The following RFX7 variants were observed in gnomAD, a reference collection of about 807,000 sequenced individuals.
RFX7 encodes the protein regulatory factor X7, also known as DNA-binding protein RFX7.
Under a neutral mutation model 111.8 loss-of-function variants are expected in RFX7, and 26 were observed. That is an observed-to-expected ratio of 0.23 (90% confidence interval 0.17 to 0.32). RFX7 has a LOEUF of 0.32. Among genes scored for constraint, RFX7 ranks in the 10% least tolerant of loss-of-function variants. The pLI, the probability that RFX7 is intolerant of heterozygous loss-of-function variation, is 1.00. For missense variants in RFX7, 1,573 were observed against 1,772.9 expected (o/e 0.89, Z 2.02); for synonymous variants, 624 against 624.4 (o/e 1.00, Z 0.01).
chr15:56,183,220 C>G (rs368847051), intron 2 of RFX7, among the ~76,000 whole-genome samples: 1 of 151,926 alleles, frequency 6.6e-6, no homozygotes, highest in African/African-American at 2.4e-5. Context: ...ATTATAGAAG[C>G]TTTATATATT....
At chr15:56,233,608 G>A (rs1257835587) in intron 2 of RFX7, among the ~76,000 whole-genome samples, 2 of 152,050 alleles carry the variant, frequency 1.3e-5, no homozygotes, top group African/African-American at 4.8e-5. Flanking sequence ...ATGGAAAGAA[G>A]GAAAAGTGAT....
At chr15:56,155,160 G>A (rs760765873) in intron 3 of RFX7, among the ~76,000 whole-genome samples, 6 of 152,122 alleles carry the variant, frequency 3.9e-5, no homozygotes, top group South Asian at 2.1e-4. Context: ...AAATAAGAAC[G>A]CTTTTACAGT....
At chr15:56,232,403 C>T (rs567197882) in intron 2 of RFX7, among the ~76,000 whole-genome samples, 2 of 152,256 alleles carry the variant, frequency 1.3e-5, no homozygotes, top group East Asian at 1.9e-4. Context: ...AGCAGGGAGG[C>T]CCTGGGACTG....
At chr15:56,147,219 C>G (rs1188018052) in intron 3 of RFX7, among the ~76,000 whole-genome samples, 1 of 152,014 alleles carries the variant, frequency 6.6e-6, no homozygotes, top group Non-Finnish European at 1.5e-5. Flanking sequence ...GAGAAAAGAC[C>G]AACTTCATAA....
At chr15:56,138,578 G>C (rs1376028923) in intron 5 of RFX7, among the ~76,000 whole-genome samples, 89 of 151,722 alleles carry the variant, frequency 5.9e-4, no homozygotes, top group African/African-American at 2.1e-3. Flanking sequence ...CAATTTGCCA[G>C]TCTGTGTCTT....
Position 56,094,272 on chromosome 15 carries a change from T to C in RFX7, c.3456A>G (p.Lys1152=), listed in dbSNP as rs1448131190. The change falls in exon 10 of 10, where the codon AAA becomes AAG. Residue 1152 remains lysine, a synonymous_variant. Coordinates refer to ENST00000559447, the MANE Select transcript of RFX7 (RefSeq NM_022841.7). The part of the protein sequence containing the change: ...GFAVPAPLDN[K]GTNSSASSNF... ...TGCTGCTGGCAGATGAATTAGTTCC[T>C]TTATTATCAAGAGGGGCAGGGACTG... 3.1e-6 allele frequency: 5 copies of C among 1,614,002 alleles called. No homozygotes were observed. Among genetic ancestry groups the C allele is most frequent in the Non-Finnish European group, 4.2e-6 (5 of 1,179,888 alleles).
At chr15:56,146,590 C>G (rs2042476704) in intron 3 of RFX7, among the ~76,000 whole-genome samples, 1 of 151,672 alleles carries the variant, frequency 6.6e-6, no homozygotes, top group Non-Finnish European at 1.5e-5. Flanking sequence ...TTTAAATATA[C>G]TGGAAAAAAG....
chr15:56,223,591 T>C (rs1035421069), intron 2 of RFX7, among the ~76,000 whole-genome samples: 1 of 152,198 alleles, frequency 6.6e-6, no homozygotes, highest in Non-Finnish European at 1.5e-5. Context: ...GAAGTTAAAA[T>C]GTATCAATTA....
At chr15:56,106,460 AAAC>A (rs2140536533) in intron 5 of RFX7, among the ~76,000 whole-genome samples, 1 of 152,356 alleles carries the variant, frequency 6.6e-6, no homozygotes, top group South Asian at 2.1e-4. Context: ...ATCAATGTAA[AAAC>A]AACAAGAACA....
At chr15:56,210,964 C>A (rs541569751) in intron 2 of RFX7, among the ~76,000 whole-genome samples, 1 of 152,106 alleles carries the variant, frequency 6.6e-6, no homozygotes, top group South Asian at 2.1e-4. Context: ...CACTACAGAT[C>A]CCCTGGCATT....
chr15:56,210,262 G>A lies in RFX7; in HGVS notation c.162-30959C>T, dbSNP rs1437544996. 3.9e-5 allele frequency among the ~76,000 whole-genome samples: 6 copies of A among 152,160 alleles called. No homozygotes were observed. The East Asian group carries it at 1.2e-3, about 29-fold the overall frequency. On this transcript the variant is annotated intron_variant, in intron 2 of 9. Coordinates refer to ENST00000559447, the MANE Select transcript of RFX7 (RefSeq NM_022841.7). ...AAATAGGTGAATGCTTCAAGAAGAC[G>A]TAACAATCCTAAATGTATATGAACC...
intron 2 of RFX7, among the ~76,000 whole-genome samples, chr15:56,216,921 A>G (rs1359230607): frequency 6.6e-6 from 1 of 152,158 alleles, no homozygotes. Context: ...ATAGAGTAGC[A>G]AGAATTACAG....
At chr15:56,238,595 T>A (rs2043650537) in intron 2 of RFX7, among the ~76,000 whole-genome samples, 1 of 152,158 alleles carries the variant, frequency 6.6e-6, no homozygotes, top group Admixed American at 6.5e-5. Context: ...ATATGACCGT[T>A]TTAAGAAGAG....
intron 2 of RFX7, among the ~76,000 whole-genome samples, chr15:56,210,729 G>T (rs1303278108): frequency 1.3e-5 from 2 of 152,068 alleles, no homozygotes; most frequent in Admixed American, 1.3e-4. Flanking sequence ...AATTTTGAGA[G>T]AAATTGTAAA....
At chr15:56,106,255 G>GT (rs1195088813) in intron 5 of RFX7, among the ~76,000 whole-genome samples, 1 of 152,088 alleles carries the variant, frequency 6.6e-6, no homozygotes, top group African/African-American at 2.4e-5. Flanking sequence ...ATTCCATCTG[G>GT]TTTTTGATAC....
chr15:56,112,726 A>G (rs10851601), intron 5 of RFX7, among the ~76,000 whole-genome samples: 30,033 of 152,188 alleles, frequency 0.2, 3,377 homozygotes, highest in East Asian at 0.44. Flanking sequence ...ACCAACCTAT[A>G]GAATGAGAGA....
chr15:56,139,991 G>T (rs1442500189), intron 5 of RFX7, among the ~76,000 whole-genome samples: 1 of 152,032 alleles, frequency 6.6e-6, no homozygotes, highest in Admixed American at 6.6e-5. Flanking sequence ...CTCCAGCTGC[G>T]TGCTGGGAGA....
chr15:56,149,430 C>G (rs1180934132), intron 3 of RFX7, among the ~76,000 whole-genome samples: 1 of 152,172 alleles, frequency 6.6e-6, no homozygotes, highest in Non-Finnish European at 1.5e-5. Context: ...CAGACAGGAA[C>G]AGCACCGGTC....
At chr15:56,213,581 T>C (rs1326708005) in intron 2 of RFX7, among the ~76,000 whole-genome samples, 1 of 152,212 alleles carries the variant, frequency 6.6e-6, no homozygotes, top group Non-Finnish European at 1.5e-5. Context: ...GAGGGATATT[T>C]GCAGTGACAA....
Sources: gnomAD v4.1 joint callset for allele counts (sites outside exome capture counted in the v4.1 genomes callset) on GRCh38, gnomAD v4.1.1 for gene constraint, MANE v1.5 for transcripts, NCBI Gene and HGNC (gene_info 2026-07-23, HGNC 2026-07-21) for gene names.